The following CUL4A variants were observed in gnomAD, a reference collection of about 807,000 sequenced individuals.
The protein encoded by CUL4A is cullin 4A.
In CUL4A, 16 loss-of-function variants were observed where a neutral mutation model predicts 95.5. The observed-to-expected ratio is 0.17, with a 90% CI of 0.11 to 0.25. The LOEUF is 0.25. CUL4A is among the 10% of genes least tolerant of loss of function. The pLI is 1.00. For missense variants in CUL4A, 610 were observed against 937.0 expected (o/e 0.65, Z 4.56); for synonymous variants, 380 against 353.1 (o/e 1.08, Z -0.85).
intron 9 of CUL4A, among the ~76,000 whole-genome samples, chr13:113,238,034 G>A (rs1566352229): frequency 6.6e-6 from 1 of 152,166 alleles, no homozygotes; most frequent in Non-Finnish European, 1.5e-5. Flanking sequence ...GTCCAATCTG[G>A]TTATGATGTT....
intron 18 of CUL4A, among the ~76,000 whole-genome samples, chr13:113,260,203 C>CAAAAAAAAAAAAAAAAAAAAAAAA (rs71101559): frequency 0.057 from 704 of 12,428 alleles, 230 homozygotes; most frequent in Middle Eastern, 0.12. Flanking sequence ...GACTCCGTCT[C>CAAAAAAAAAAAAAAAAAAAAAAAA]AAAAAAAAAA....
At chr13:113,243,680 T>A (rs1027025057) in intron 11 of CUL4A, among the ~76,000 whole-genome samples, 2 of 151,190 alleles carry the variant, frequency 1.3e-5, no homozygotes, top group Non-Finnish European at 2.9e-5. Context: ...AGATGTAAGA[T>A]GGAACATGGA....
intron 5 of CUL4A, 161 bp downstream of exon 5, chr13:113,229,680 C>T (rs1157799632): frequency 1.6e-6 from 1 of 610,402 alleles, no homozygotes; most frequent in Non-Finnish European, 2.9e-6. Flanking sequence ...CCAGGTGGGT[C>T]TTAGCCTTGA....
Position 113,245,219 on chromosome 13 carries a change from C to A in CUL4A, c.1512C>A (p.Ile504=), listed in dbSNP as rs141571594. The change falls in exon 14 of 20, where the codon ATC becomes ATA. Residue 504 remains isoleucine (I), a synonymous_variant. Coordinates refer to ENST00000375440, the MANE Select transcript of CUL4A (RefSeq NM_001008895.4). Reference sequence around the variant, plus strand: ...AGGACATGGAGCTTTCGAAGGACATCATGGTTCATTTCAAGCAGGTGAGTT... The same window carrying A: ...AGGACATGGAGCTTTCGAAGGACATAATGGTTCATTTCAAGCAGGTGAGTT... ...MFKDMELSKD[I]MVHFKQHMQN... The A allele has an allele frequency of 6.2e-6, 10 of 1,614,050 alleles. No homozygotes were observed. Among genetic ancestry groups the A allele is most frequent in the African/African-American group, 2.7e-5 (2 of 74,936 alleles).
intron 2 of CUL4A, among the ~76,000 whole-genome samples, chr13:113,213,020 A>T (rs775388940): frequency 2.6e-5 from 4 of 152,156 alleles, no homozygotes; most frequent in Admixed American, 6.5e-5. Context: ...GCCAATTTGT[A>T]TAAGAAAGTG....
intron 15 of CUL4A, among the ~76,000 whole-genome samples, chr13:113,248,370 A>T (rs1297914504): frequency 1.3e-5 from 2 of 151,948 alleles, no homozygotes; most frequent in Non-Finnish European, 1.5e-5. Context: ...GAACTCAGGG[A>T]TTCTTAATTT....
intron 16 of CUL4A, among the ~76,000 whole-genome samples, 156 bp downstream of exon 16, chr13:113,253,351 T>C (rs1351362895): frequency 6.6e-6 from 1 of 152,174 alleles, no homozygotes; most frequent in Non-Finnish European, 1.5e-5. Flanking sequence ...AGGGTTATTA[T>C]TCCAATCAAT....
Position 113,210,005 on chromosome 13 carries a change from G to A in CUL4A, c.181G>A (p.Asp61Asn), listed in dbSNP as rs892368451. The change falls in exon 2 of 20, where the codon GAC becomes AAC. Residue 61 changes from aspartate to asparagine, a missense_variant. Physicochemically the swap from Asp to Asn is conservative, Grantham distance 23 (BLOSUM62 1). Transcript: ENST00000375440. ...TCGGCTGCCCGACAACTACACGCAG[G>A]ACACGTGGCGGAAGCTGCACGAGGC... ...RPRLPDNYTQ[D>N]TWRKLHEAVR... The A allele has an allele frequency of 1.1e-5, 17 of 1,522,926 alleles. No individual in the cohort carries two copies. The highest frequency in any genetic ancestry group is 4.1e-5 in the Admixed American group (2 of 48,380). The allele number at this position is 1,522,926 out of a possible 1,614,324, so 94.3% of individuals were successfully genotyped here. A position where few individuals can be genotyped will look rare whatever the true frequency, so the allele number is the denominator to read the frequency against.
At chr13:113,256,135 A>T (rs559909822) in intron 18 of CUL4A, among the ~76,000 whole-genome samples, 1 of 152,228 alleles carries the variant, frequency 6.6e-6, no homozygotes, top group African/African-American at 2.4e-5. Flanking sequence ...CAGCCTGAGC[A>T]ATGCAGTGAG....
At chr13:113,209,048 G>T (rs996415113), upstream of CUL4A, 28 of 315,564 alleles carry the variant, frequency 8.9e-5, no homozygotes, top group Middle Eastern at 1.7e-3. Context: ...AGGAGGGGGA[G>T]GGGGAGGGAC....
intron 10 of CUL4A, among the ~76,000 whole-genome samples, chr13:113,240,012 C>T (rs2041661566): frequency 6.6e-6 from 1 of 152,198 alleles, no homozygotes; most frequent in African/African-American, 2.4e-5. Flanking sequence ...TAAACTTTCA[C>T]TTTCATGTTT....
chr13:113,222,649 C>T (rs149982879), intron 3 of CUL4A, among the ~76,000 whole-genome samples: 2,832 of 152,262 alleles, frequency 0.019, 48 homozygotes, highest in Middle Eastern at 0.041. Context: ...AGCAGAGTGG[C>T]CAGACACAGT....
In CUL4A at chr13:113,209,954, C is replaced by T; in HGVS notation, c.149-19C>T. 1 of 1,482,664 alleles carries T rather than the reference C, an allele frequency of 6.7e-7. No homozygotes were observed. Among genetic ancestry groups the T allele is most frequent in the South Asian group, 1.3e-5 (1 of 78,378 alleles). The allele number at this position is 1,482,664 out of a possible 1,614,324, so 91.8% of individuals were successfully genotyped here. A position where few individuals can be genotyped will look rare whatever the true frequency, so the allele number is the denominator to read the frequency against. On this transcript the variant is annotated intron_variant, in intron 1 of 19. Coordinates refer to ENST00000375440, the MANE Select transcript of CUL4A (RefSeq NM_001008895.4). ...TTCGCGGCGCGCCCTGAGCCGCCCG[C>T]TCTCCCTCCGCCCTGCAGACAGACC...
In CUL4A at chr13:113,209,663, G is replaced by C. The variant is rs2040274175; in HGVS notation, c.36G>C (p.Ser12=). 1 of 1,131,680 alleles carries C rather than the reference G, an allele frequency of 8.8e-7. No individual in the cohort carries two copies. The allele number at this position is 1,131,680 out of a possible 1,614,324, so 70.1% of individuals were successfully genotyped here. A position where few individuals can be genotyped will look rare whatever the true frequency, so the allele number is the denominator to read the frequency against. ...AGGCCCCGCGGAAGGGCAGCTTCTCGGCGCTCGTGGGCCGCACCAACGGCC... is the reference window on the plus strand; with the variant it reads ...AGGCCCCGCGGAAGGGCAGCTTCTCCGCGCTCGTGGGCCGCACCAACGGCC... ...ADEAPRKGSF[S]ALVGRTNGLT... is the part of the protein sequence containing the mutation. The change falls in exon 1 of 20, where the codon TCG becomes TCC. Residue 12 remains serine, a synonymous_variant. Transcript: ENST00000375440.
At chr13:113,260,488 T>C in intron 18 of CUL4A, 119 bp from the exon 19 acceptor site, 2 of 822,282 alleles carry the variant, frequency 2.4e-6, no homozygotes, top group Non-Finnish European at 1.8e-6. Flanking sequence ...AGGCGGAGGT[T>C]GCAGTGAGCC....
rs144808226 is a variant in CUL4A at position 113,235,741 on chromosome 13, T to C, written c.848+596T>C. 8.2e-3 allele frequency among the ~76,000 whole-genome samples: 1,253 copies of C among 151,980 alleles called. 13 individuals are homozygous for C. Among genetic ancestry groups the C allele is most frequent in the African/African-American group, 0.027 (1,138 of 41,450 alleles). ...ATCCCAGCACTTTGGGAGGCTGAGG[T>C]GGGCAGATCACAAAGTCAGGAGATC... On this transcript the variant is annotated intron_variant, in intron 8 of 19. Coordinates refer to ENST00000375440, the MANE Select transcript of CUL4A (RefSeq NM_001008895.4).
Position 113,244,930 on chromosome 13 carries a change from C to G in CUL4A, c.1334-19C>G. ...TCAACTCTCTGATGTCTTGATTATT[C>G]TCGTCTGGTTATAAATAGGTAAAGA... On this transcript the variant is annotated intron_variant, in intron 12 of 19. Coordinates refer to ENST00000375440, the MANE Select transcript of CUL4A (RefSeq NM_001008895.4). 3 of 1,469,910 alleles carry G rather than the reference C, an allele frequency of 2.0e-6. No individual in the cohort carries two copies. The highest frequency in any genetic ancestry group is 2.9e-6 in the Non-Finnish European group (3 of 1,049,598). 91.1% of individuals were successfully genotyped at this position (1,469,910 alleles called of 1,614,324 possible).
intron 3 of CUL4A, chr13:113,219,893 G>C (rs1202129579): frequency 6.6e-6 from 1 of 152,226 alleles, no homozygotes; most frequent in Non-Finnish European, 1.5e-5. Flanking sequence ...GCATCCTATA[G>C]AAAATCCTTT....
chr13:113,253,069 C>T lies in CUL4A; in HGVS notation c.1639-13C>T. The T allele has an allele frequency of 6.9e-7, 1 of 1,455,790 alleles. No homozygotes were observed. The allele number at this position is 1,455,790 out of a possible 1,614,324, so 90.2% of individuals were successfully genotyped here. A position where few individuals can be genotyped will look rare whatever the true frequency, so the allele number is the denominator to read the frequency against. ...TGTGTGGCATAATTTTGTTGTTCTC[C>T]TATGCTTAACAGATGATTAAACTTC... On this transcript the variant is annotated splice_polypyrimidine_tract_variant and intron_variant, in intron 15 of 19. Transcript: ENST00000375440.
Sources: allele counts gnomAD v4.1 joint callset (sites outside exome capture counted in the v4.1 genomes callset), GRCh38; gene constraint gnomAD v4.1.1; transcripts MANE v1.5; gene names NCBI Gene and HGNC (gene_info 2026-07-23, HGNC 2026-07-21).